Variants in FGD1 observed in about 807,000 individuals in gnomAD.
FGD1 encodes the protein FYVE, RhoGEF and PH domain containing 1.
Under a neutral mutation model 65.0 loss-of-function variants are expected in FGD1, and 12 were observed. That is an observed-to-expected ratio of 0.18 (90% CI 0.12 to 0.30). The LOEUF (loss-of-function observed/expected upper bound fraction) is 0.30, where lower values mean the gene tolerates loss of function less well. Among genes scored for constraint, FGD1 ranks in the 10% least tolerant of loss-of-function variants. FGD1 has a pLI of 1.00. For synonymous variants in FGD1, 333 were observed against 343.9 expected (o/e 0.97, Z 0.35); for missense variants, 542 against 837.6 (o/e 0.65, Z 4.36).
At chrX:54,470,554 C>T (rs1316897683) in intron 3 of FGD1, 29 bp downstream of exon 3, 4 of 1,195,560 alleles carry the variant, frequency 3.3e-6, no homozygotes, top group African/African-American at 3.5e-5. Context: ...CCCCTTTCCC[C>T]TAGAGGGTGC....
intron 1 of FGD1, among the ~76,000 whole-genome samples, chrX:54,487,812 T>C (rs1923313558): frequency 9.2e-6 from 1 of 108,464 alleles, no homozygotes; most frequent in Non-Finnish European, 1.9e-5. Context: ...TAGCCAAGCA[T>C]GGTGGCGGGC....
In FGD1 at chrX:54,465,541, G is replaced by C; in HGVS notation, c.1546C>G (p.Pro516Ala). 1 of 1,209,031 alleles carries C rather than the reference G, an allele frequency of 8.3e-7. No homozygotes were observed. The highest frequency in any genetic ancestry group is 1.1e-6 in the Non-Finnish European group (1 of 894,249). The change falls in exon 8 of 18, where the codon CCT (proline) becomes GCT (alanine). Residue 516 changes from proline (P) to alanine (A), a missense_variant. By Grantham distance (27) the Pro-to-Ala change is conservative. Transcript: ENST00000375135. ...NLTLQHHMLE[P>A]VQRIPRYELL... ...TCATAGCGGGGGATGCGCTGCACAGGCTCCAGCATGTGGTGCTGCAATGTC... is the reference window on the plus strand; with the variant it reads ...TCATAGCGGGGGATGCGCTGCACAGCCTCCAGCATGTGGTGCTGCAATGTC...
rs1922318673 is a variant in FGD1 at position 54,449,265 on chromosome X, C to T, written c.2152G>A (p.Val718Met). 6 of 1,211,523 alleles carry T rather than the reference C, an allele frequency of 5.0e-6. No homozygotes were observed. The highest frequency in any genetic ancestry group is 6.7e-6 in the Non-Finnish European group (6 of 895,370). Residue 718 changes from valine to methionine, a missense_variant, in exon 15 of 18, where the codon GTG becomes ATG. Val to Met is a conservative substitution (Grantham distance 21). This residue lies in a region of FGD1 where 182 missense variants were observed against 311.4 expected (regional missense o/e 0.58). Coordinates refer to ENST00000375135, the MANE Select transcript of FGD1 (RefSeq NM_004463.3). ...DEDTPPNSPN[V>M]DLGKRAPTPI... ...GTAGGTGCCCGCTTCCCAAGATCCACGTTCTGTAGGGAGGGCCAGGTCTCA... is the reference window on the plus strand; with the variant it reads ...GTAGGTGCCCGCTTCCCAAGATCCATGTTCTGTAGGGAGGGCCAGGTCTCA...
chrX:54,489,603 A>AT (rs1384885328), intron 1 of FGD1, among the ~76,000 whole-genome samples: 1 of 111,813 alleles, frequency 8.9e-6, no homozygotes, highest in Non-Finnish European at 1.9e-5. Flanking sequence ...CAACATCACT[A>AT]ATCATTAGAG....
intron 12 of FGD1, among the ~76,000 whole-genome samples, chrX:54,452,866 G>C (rs1422950127): frequency 9.0e-6 from 1 of 111,675 alleles, no homozygotes. Context: ...TGGGTCCCAG[G>C]CATCCGTATT....
chrX:54,486,197 C>T (rs750366704), intron 1 of FGD1, among the ~76,000 whole-genome samples: 1 of 112,030 alleles, frequency 8.9e-6, no homozygotes, highest in East Asian at 2.8e-4. Flanking sequence ...AGCAATTCTC[C>T]TGCCTCAGCC....
intron 1 of FGD1, among the ~76,000 whole-genome samples, chrX:54,485,104 C>T: frequency 8.9e-6 from 1 of 112,629 alleles, no homozygotes; most frequent in Non-Finnish European, 1.9e-5. Context: ...CTGGGGAAGT[C>T]CTTTTCCCAG....
intron 12 of FGD1, among the ~76,000 whole-genome samples, chrX:54,455,156 C>G (rs1167051991): frequency 1.8e-5 from 2 of 112,472 alleles, no homozygotes; most frequent in Non-Finnish European, 3.7e-5. Context: ...TCTCTCTCCT[C>G]TAACAAAATC....
In FGD1 at chrX:54,471,399, C is replaced by A. The variant is rs995199302; in HGVS notation, c.396G>T (p.Arg132=). ...TCGGGGGACCTGGGTCTGAGCGAAG[C>A]CGCTGGGGACCTTCTGGATGAGGCT... ...SLEPHPEGPQ[R]LRSDPGPPTE... Residue 132 remains arginine, a synonymous_variant, in exon 2 of 18, where the codon CGG becomes CGT. Transcript: ENST00000375135. 8.3e-7 allele frequency: 1 copy of A among 1,209,649 alleles called. No homozygotes were observed. Among genetic ancestry groups the A allele is most frequent in the African/African-American group, 1.7e-5 (1 of 57,349 alleles).
intron 8 of FGD1, among the ~76,000 whole-genome samples, chrX:54,461,600 C>CA (rs1165040158): frequency 0.12 from 2,147 of 17,806 alleles, 192 homozygotes; most frequent in East Asian, 0.48. Flanking sequence ...GACTCTGTCT[C>CA]AAAAAAAAAA....
chrX:54,446,079 G>C lies in FGD1; in HGVS notation c.*30C>G, dbSNP rs760197767. 4.4e-6 allele frequency: 5 copies of C among 1,144,749 alleles called. No individual in the cohort carries two copies. The highest frequency in any genetic ancestry group is 5.9e-6 in the Non-Finnish European group (5 of 844,944). The allele number at this position is 1,144,749 out of a possible 1,213,427, so 94.3% of individuals were successfully genotyped here. A position where few individuals can be genotyped will look rare whatever the true frequency, so the allele number is the denominator to read the frequency against. On this transcript the variant is annotated 3_prime_UTR_variant, in exon 18 of 18. Transcript: ENST00000375135. ...TCAGACATGGGCAACTAGAGTGTGG[G>C]GTGGGGGCTCCCAGTTTGTCCCAAA... is the stretch of plus-strand genomic sequence containing the variant.
At chrX:54,462,857 C>T (rs1347570916) in intron 8 of FGD1, among the ~76,000 whole-genome samples, 1 of 106,959 alleles carries the variant, frequency 9.3e-6, no homozygotes, top group African/African-American at 3.4e-5. Flanking sequence ...TTCTGCCTCC[C>T]GGGTTCAAGT....
chrX:54,454,613 G>A (rs1219587001), intron 12 of FGD1, among the ~76,000 whole-genome samples: 2 of 97,373 alleles, frequency 2.1e-5, no homozygotes, highest in East Asian at 3.3e-4. Context: ...TCATGCCACC[G>A]CACTCCTGGG....
At chrX:54,479,780 CA>C (rs61712565) in intron 1 of FGD1, among the ~76,000 whole-genome samples, 6,358 of 25,257 alleles carry the variant, frequency 0.25, 401 homozygotes, top group African/African-American at 0.4. Context: ...CTCCGCTTGA[CA>C]AAAAAAAAAA....
intron 12 of FGD1, 123 bp downstream of exon 12, chrX:54,455,325 C>T: frequency 1.7e-6 from 1 of 573,425 alleles, no homozygotes; most frequent in East Asian, 3.6e-5. Flanking sequence ...AAGAGCAAGC[C>T]TGCATCTTTG....
At chrX:54,486,781 G>A (rs185458215) in intron 1 of FGD1, among the ~76,000 whole-genome samples, 1,787 of 105,297 alleles carry the variant, frequency 0.017, 32 homozygotes, top group African/African-American at 0.059. Context: ...AAGGTCAGGA[G>A]TTCAAGACCA....
intron 5 of FGD1, among the ~76,000 whole-genome samples, chrX:54,468,308 T>A (rs1308985914): frequency 9.0e-6 from 1 of 111,620 alleles, no homozygotes; most frequent in Non-Finnish European, 1.9e-5. Flanking sequence ...AGAATTAGAT[T>A]CAGGGTCAGA....
intron 1 of FGD1, among the ~76,000 whole-genome samples, chrX:54,478,332 T>A (rs139198834): frequency 0.019 from 2,134 of 110,738 alleles, 46 homozygotes; most frequent in African/African-American, 0.067. Flanking sequence ...TTTTCTGCCA[T>A]GGGCATCTGA....
intron 1 of FGD1, among the ~76,000 whole-genome samples, chrX:54,484,419 A>G (rs1004191465): frequency 6.0e-4 from 67 of 111,592 alleles, no homozygotes; most frequent in African/African-American, 2.0e-3. Flanking sequence ...AGCACATAGT[A>G]GGCACTCAAC....
Sources: allele counts gnomAD v4.1 joint callset (sites outside exome capture counted in the v4.1 genomes callset), GRCh38; gene constraint gnomAD v4.1.1; regional missense constraint gnomAD v4.1.1; transcripts MANE v1.5; gene names NCBI Gene and HGNC (gene_info 2026-07-23, HGNC 2026-07-21).